Variants in CDK6 observed in about 807,000 individuals in gnomAD.
CDK6 encodes the protein cyclin-dependent kinase 6.
A neutral mutation model predicts 37.1 loss-of-function variants in CDK6; 6 were observed. The ratio of observed to expected loss-of-function variants is 0.16; its 90% CI spans 0.09 to 0.32. The LOEUF is 0.32. CDK6 is among the 10% of genes least tolerant of loss of function. The pLI is 1.00. For missense variants in CDK6, 224 were observed against 418.9 expected (o/e 0.53, Z 4.06); for synonymous variants, 160 against 161.3 (o/e 0.99, Z 0.06).
intron 3 of CDK6, among the ~76,000 whole-genome samples, chr7:92,757,528 C>T (rs1799345250): frequency 6.6e-6 from 1 of 152,118 alleles, no homozygotes; most frequent in South Asian, 2.1e-4. Flanking sequence ...TGTATATGTA[C>T]CACATTTTCT....
intron 3 of CDK6, among the ~76,000 whole-genome samples, chr7:92,726,240 C>T (rs1203148681): frequency 6.6e-6 from 1 of 152,090 alleles, no homozygotes; most frequent in Non-Finnish European, 1.5e-5. Context: ...GTACTAAACA[C>T]TCACTATATA....
chr7:92,681,131 A>G (rs943705796), intron 4 of CDK6, among the ~76,000 whole-genome samples: 4 of 152,212 alleles, frequency 2.6e-5, no homozygotes, highest in African/African-American at 9.6e-5. Flanking sequence ...TAATAACTTA[A>G]TATCTTTGAG....
At chr7:92,616,456 T>C (rs1795679734) in intron 7 of CDK6, among the ~76,000 whole-genome samples, 1 of 152,164 alleles carries the variant, frequency 6.6e-6, no homozygotes, top group Admixed American at 6.5e-5. Context: ...GTTGCTAGCC[T>C]CCCTATAGGA....
chr7:92,620,194 TCA>T (rs1795778716), intron 6 of CDK6, among the ~76,000 whole-genome samples: 1 of 152,230 alleles, frequency 6.6e-6, no homozygotes, highest in Non-Finnish European at 1.5e-5. Flanking sequence ...CCAAAAGCCT[TCA>T]GAGGAACAGC....
chr7:92,698,582 T>G (rs1481900323), intron 4 of CDK6, among the ~76,000 whole-genome samples: 1 of 152,238 alleles, frequency 6.6e-6, no homozygotes, highest in African/African-American at 2.4e-5. Flanking sequence ...CCCTGGCAAC[T>G]GGTACAGCCT....
intron 5 of CDK6, among the ~76,000 whole-genome samples, chr7:92,631,596 C>T (rs915560800): frequency 1.1e-4 from 17 of 152,132 alleles, no homozygotes; most frequent in African/African-American, 4.1e-4. Flanking sequence ...CGCACCTTGC[C>T]TCTTTTGCAG....
chr7:92,622,232 T>C (rs1406939867), intron 6 of CDK6, among the ~76,000 whole-genome samples: 2 of 152,278 alleles, frequency 1.3e-5, no homozygotes, highest in East Asian at 3.9e-4. Context: ...TCTAGAAACA[T>C]GAATGCATAC....
intron 3 of CDK6, among the ~76,000 whole-genome samples, chr7:92,751,032 T>A (rs145635945): frequency 8.5e-4 from 129 of 152,144 alleles, no homozygotes; most frequent in African/African-American, 3.0e-3. Flanking sequence ...ACTTGGGAGG[T>A]CTTCGTATTT....
intron 3 of CDK6, among the ~76,000 whole-genome samples, chr7:92,753,360 C>A (rs889910243): frequency 6.6e-6 from 1 of 152,082 alleles, no homozygotes; most frequent in Non-Finnish European, 1.5e-5. Context: ...ACTGATTTTC[C>A]TTTGTGATCT....
At chr7:92,661,410 T>C (rs1284837790) in intron 5 of CDK6, among the ~76,000 whole-genome samples, 1 of 152,186 alleles carries the variant, frequency 6.6e-6, no homozygotes, top group Non-Finnish European at 1.5e-5. Context: ...CAAAAGTCCA[T>C]GTATAACTTT....
chr7:92,725,267 C>T (rs1008895343), intron 4 of CDK6: 58 of 985,320 alleles, frequency 5.9e-5, no homozygotes, highest in Non-Finnish European at 6.1e-5. Flanking sequence ...CAACGTTGCT[C>T]GTGCTCTTTC....
At chr7:92,682,021 C>G (rs548112503) in intron 4 of CDK6, among the ~76,000 whole-genome samples, 20 of 152,276 alleles carry the variant, frequency 1.3e-4, no homozygotes, top group African/African-American at 4.8e-4. Flanking sequence ...GCTACCTACC[C>G]AGTTTCCCTA....
At chr7:92,700,300 T>C (rs752189622) in intron 4 of CDK6, among the ~76,000 whole-genome samples, 7 of 152,214 alleles carry the variant, frequency 4.6e-5, no homozygotes, top group Non-Finnish European at 8.8e-5. Context: ...ATTTGCATTC[T>C]GGTAACTGTG....
intron 2 of CDK6, among the ~76,000 whole-genome samples, chr7:92,815,714 G>A (rs898207060): frequency 2.0e-4 from 30 of 152,174 alleles, no homozygotes; most frequent in African/African-American, 7.2e-4. Flanking sequence ...GGAGGCCAAA[G>A]TGGCTAAAAT....
At position 92,614,764 on chromosome 7, in the gene CDK6, C is replaced by T. The variant is rs749433379; in HGVS notation, c.*376G>A. The T allele has an allele frequency of 3.3e-5, 10 of 300,708 alleles. No homozygotes were observed. Among genetic ancestry groups the T allele is most frequent in the Non-Finnish European group, 5.0e-5 (8 of 158,942 alleles). 18.6% of individuals were successfully genotyped at this position (300,708 alleles called of 1,614,324 possible). On this transcript the variant is annotated 3_prime_UTR_variant, in exon 8 of 8. Coordinates refer to ENST00000424848, the MANE Select transcript of CDK6 (RefSeq NM_001145306.2). ...ACACTCAAAAGTACCAAATCAGGCC[C>T]GGCAGCTGCAGAGAGATTACATCAT...
At chr7:92,659,171 T>C (rs747838411) in intron 5 of CDK6, among the ~76,000 whole-genome samples, 19 of 152,228 alleles carry the variant, frequency 1.2e-4, no homozygotes, top group Non-Finnish European at 1.6e-4. Flanking sequence ...GTTGTCTCTG[T>C]TTCTTCTTTA....
At chr7:92,779,695 C>T (rs1232200378) in intron 2 of CDK6, among the ~76,000 whole-genome samples, 5 of 152,170 alleles carry the variant, frequency 3.3e-5, no homozygotes, top group Non-Finnish European at 5.9e-5. Flanking sequence ...CCATGGAAGA[C>T]ATCTGGGGAA....
chr7:92,753,640 A>C (rs1584052222), intron 3 of CDK6, among the ~76,000 whole-genome samples: 1 of 152,130 alleles, frequency 6.6e-6, no homozygotes, highest in African/African-American at 2.4e-5. Flanking sequence ...TTACAGGTGC[A>C]CACCACCACG....
At chr7:92,699,120 T>C (rs904489572) in intron 4 of CDK6, among the ~76,000 whole-genome samples, 11 of 152,234 alleles carry the variant, frequency 7.2e-5, no homozygotes, top group African/African-American at 2.4e-4. Context: ...ATGAATTTGA[T>C]GTATGTAAGA....
Sources: allele counts gnomAD v4.1 joint callset (sites outside exome capture counted in the v4.1 genomes callset), GRCh38; gene constraint gnomAD v4.1.1; transcripts MANE v1.5; gene names NCBI Gene and HGNC (gene_info 2026-07-23, HGNC 2026-07-21).